Variants in LEPR observed in about 807,000 individuals in gnomAD.
The protein encoded by LEPR is leptin receptor, also known as OB receptor.
In LEPR, 56 loss-of-function variants were observed where a neutral mutation model predicts 114.7. That is an observed-to-expected ratio of 0.49 (90% confidence interval 0.39 to 0.61). The LOEUF is 0.61. Ranked by LOEUF, LEPR falls within the 20% of genes least tolerant of loss-of-function variation. The pLI is 0.00. For missense variants in LEPR, 1,202 were observed against 1,352.9 expected (o/e 0.89, Z 1.75); for synonymous variants, 443 against 461.4 (o/e 0.96, Z 0.51).
intron 19 of LEPR, among the ~76,000 whole-genome samples, chr1:65,632,072 A>G (rs1322092650): frequency 2.0e-5 from 3 of 152,180 alleles, no homozygotes; most frequent in African/African-American, 7.2e-5. Flanking sequence ...AAAGCTAGAA[A>G]CAAATAGATT....
intron 16 of LEPR, among the ~76,000 whole-genome samples, chr1:65,618,844 A>AT (rs1229370311): frequency 6.6e-6 from 1 of 152,012 alleles, no homozygotes; most frequent in Non-Finnish European, 1.5e-5. Flanking sequence ...TTCTTAAATC[A>AT]TTTTTTAACA....
chr1:65,549,133 G>T (rs1652053355), intron 2 of LEPR, among the ~76,000 whole-genome samples: 1 of 151,600 alleles, frequency 6.6e-6, no homozygotes, highest in South Asian at 2.1e-4. Flanking sequence ...GTTGAATATT[G>T]GTCCCCACTC....
Position 65,550,870 on chromosome 1 carries a change from T to A in LEPR, c.-20-14676T>A, listed in dbSNP as rs544741919. Reference sequence around the variant, plus strand: ...GCACTCCCTAGTGAGATGAACCCGGTACCTCAGATGGAAATGCAGAAATCA... The same window carrying A: ...GCACTCCCTAGTGAGATGAACCCGGAACCTCAGATGGAAATGCAGAAATCA... On this transcript the variant is annotated intron_variant, in intron 2 of 19. Coordinates refer to ENST00000349533, the MANE Select transcript of LEPR (RefSeq NM_002303.6). Among the ~76,000 whole-genome samples the A allele has an allele frequency of 5.9e-5, 9 of 152,114 alleles. No individual in the cohort carries two copies. The South Asian group carries it at 1.9e-3, about 32-fold the overall frequency.
chr1:65,426,437 G>T (rs1646371669), intron 2 of LEPR, among the ~76,000 whole-genome samples: 1 of 152,070 alleles, frequency 6.6e-6, no homozygotes, highest in African/African-American at 2.4e-5. Context: ...AATGGGTTTG[G>T]AGGAGGGGGT....
At chr1:65,481,540 A>G (rs1348658663) in intron 2 of LEPR, among the ~76,000 whole-genome samples, 1 of 152,142 alleles carries the variant, frequency 6.6e-6, no homozygotes, top group Non-Finnish European at 1.5e-5. Context: ...CTTTAGTTGT[A>G]TCAGAAAATA....
chr1:65,601,849 A>C lies in LEPR; in HGVS notation c.1292A>C (p.Asn431Thr). ...RYAELYVIDV[N>T]INISCETDGY... The stretch of plus-strand genomic sequence containing the variant: ...TTTAATATGTTTCAAATAGATGTCA[A>C]TATCAATATCTCATGTGAAACTGAT... Residue 431 changes from asparagine to threonine, a missense_variant, in exon 10 of 20, where the codon AAT becomes ACT. Physicochemically the swap from Asn to Thr is moderately conservative, Grantham distance 65. Transcript: ENST00000349533. 6.2e-7 allele frequency: 1 copy of C among 1,612,488 alleles called. No homozygotes were observed. The highest frequency in any genetic ancestry group is 8.5e-7 in the Non-Finnish European group (1 of 1,178,694).
chr1:65,626,258 C>G, intron 19 of LEPR: 1 of 1,373,512 alleles, frequency 7.3e-7, no homozygotes, highest in Non-Finnish European at 9.5e-7. Context: ...TCTGACAGAC[C>G]TTATATACAA....
intron 5 of LEPR, among the ~76,000 whole-genome samples, chr1:65,580,070 A>T (rs573018908): frequency 6.6e-6 from 1 of 152,322 alleles, no homozygotes; most frequent in Non-Finnish European, 1.5e-5. Flanking sequence ...TCATAATTTC[A>T]AGGAATTTGA....
intron 2 of LEPR, chr1:65,434,645 C>A (rs1646533832): frequency 1.0e-6 from 1 of 985,268 alleles, no homozygotes; most frequent in Non-Finnish European, 1.2e-6. Flanking sequence ...AAGGACAGTG[C>A]AACTTTCCAC....
intron 2 of LEPR, among the ~76,000 whole-genome samples, chr1:65,488,214 C>CTTTCTTTCTTTCTTTCTTTCTTTTTCTT: frequency 2.1e-5 from 1 of 46,794 alleles, no homozygotes; most frequent in South Asian, 1.0e-3. Flanking sequence ...CTTTCTTTCT[C>CTTTCTTTCTTTCTTTCTTTCTTTTTCTT]TCTCTCTCTC....
At position 65,616,452 on chromosome 1, in the gene LEPR, A is replaced by G. The variant is rs6700421; in HGVS notation, c.2212+228A>G. On this transcript the variant is annotated intron_variant, in intron 15 of 19. Coordinates refer to ENST00000349533, the MANE Select transcript of LEPR (RefSeq NM_002303.6). Reference sequence around the variant, plus strand: ...GGGAGAACATTGTTGTAATGGTGTTATAATATATGAGAATGTTTTAGTGAA... The same window carrying G: ...GGGAGAACATTGTTGTAATGGTGTTGTAATATATGAGAATGTTTTAGTGAA... Among the ~76,000 whole-genome samples the G allele has an allele frequency of 0.21, 31,879 of 152,060 alleles. 4,515 individuals carry two copies. The highest frequency in any genetic ancestry group is 0.77 in the East Asian group (3,989 of 5,148).
At chr1:65,615,824 T>C (rs954729960) in intron 14 of LEPR, among the ~76,000 whole-genome samples, 184 bp from the exon 15 acceptor site, 2 of 152,180 alleles carry the variant, frequency 1.3e-5, no homozygotes, top group Non-Finnish European at 2.9e-5. Flanking sequence ...GACACCTTCA[T>C]GGAGACTGTG....
chr1:65,424,263 G>A (rs1017437606), intron 1 of LEPR, among the ~76,000 whole-genome samples: 1 of 152,188 alleles, frequency 6.6e-6, no homozygotes, highest in Non-Finnish European at 1.5e-5. Context: ...TTCCTACAAA[G>A]ACATGAAAAC....
At chr1:65,446,488 T>C (rs1475169230) in intron 2 of LEPR, among the ~76,000 whole-genome samples, 1 of 152,236 alleles carries the variant, frequency 6.6e-6, no homozygotes, top group East Asian at 1.9e-4. Context: ...CCAGCTTCTT[T>C]ACTGCAACCT....
intron 5 of LEPR, among the ~76,000 whole-genome samples, chr1:65,580,427 A>C (rs1330990740): frequency 2.6e-5 from 4 of 152,362 alleles, no homozygotes; most frequent in Middle Eastern, 3.4e-3. Context: ...ATATTTTAAA[A>C]GGGATAAAAT....
At chr1:65,503,971 A>G (rs566046766) in intron 2 of LEPR, among the ~76,000 whole-genome samples, 14 of 152,286 alleles carry the variant, frequency 9.2e-5, no homozygotes, top group Non-Finnish European at 1.9e-4. Context: ...AGCATACAAT[A>G]TAAGTCTGGA....
chr1:65,436,233 C>T (rs1646561070), intron 2 of LEPR, among the ~76,000 whole-genome samples: 1 of 152,176 alleles, frequency 6.6e-6, no homozygotes, highest in Non-Finnish European at 1.5e-5. Context: ...CTGTGGCTGA[C>T]ACTCCCCATG....
chr1:65,542,451 T>A (rs951781485), intron 2 of LEPR, among the ~76,000 whole-genome samples: 1 of 151,986 alleles, frequency 6.6e-6, no homozygotes, highest in Non-Finnish European at 1.5e-5. Context: ...TGAGAAACAT[T>A]GTGCCTATTC....
chr1:65,469,811 G>A (rs6588147), intron 2 of LEPR, among the ~76,000 whole-genome samples: 104,584 of 152,118 alleles, frequency 0.69, 37,399 homozygotes, highest in African/African-American at 0.84. Flanking sequence ...CAATAAGTGC[G>A]TGCCGTATTC....
Sources: allele counts gnomAD v4.1 joint callset (sites outside exome capture counted in the v4.1 genomes callset), GRCh38; gene constraint gnomAD v4.1.1; transcripts MANE v1.5; gene names NCBI Gene and HGNC (gene_info 2026-07-23, HGNC 2026-07-21).